Variants in CTNNA3 observed in about 807,000 individuals in gnomAD.
CTNNA3 encodes catenin alpha 3.
CTNNA3 carries 76 observed loss-of-function variants against 95.7 expected under a neutral mutation model. The ratio of observed to expected loss-of-function variants is 0.79; its 90% CI spans 0.66 to 0.96. The LOEUF (loss-of-function observed/expected upper bound fraction) is 0.96. Ranked by LOEUF, CTNNA3 falls within the 40% of genes least tolerant of loss-of-function variation. The pLI is 0.00. For missense variants in CTNNA3, 1,191 were observed against 1,089.8 expected (o/e 1.09, Z -1.31); for synonymous variants, 431 against 374.4 (o/e 1.15, Z -1.74).
At chr10:67,491,112 A>G (rs1848633070) in intron 5 of CTNNA3, among the ~76,000 whole-genome samples, 1 of 152,206 alleles carries the variant, frequency 6.6e-6, no homozygotes, top group African/African-American at 2.4e-5. Context: ...ATCCCCTCAA[A>G]AAAACCAATA....
intron 9 of CTNNA3, among the ~76,000 whole-genome samples, chr10:66,723,349 G>A (rs1848685836): frequency 6.6e-6 from 1 of 151,988 alleles, no homozygotes; most frequent in Non-Finnish European, 1.5e-5. Flanking sequence ...CTACCCAAGG[G>A]CCCATTTTTC....
At chr10:66,681,252 C>T (rs1173334915) in intron 9 of CTNNA3, among the ~76,000 whole-genome samples, 1 of 152,130 alleles carries the variant, frequency 6.6e-6, no homozygotes, top group African/African-American at 2.4e-5. Flanking sequence ...TGGGGAGTGA[C>T]TGCATATTAC....
chr10:67,748,566 C>A (rs752528733), intron 1 of CTNNA3, among the ~76,000 whole-genome samples: 3 of 152,168 alleles, frequency 2.0e-5, no homozygotes, highest in Admixed American at 6.5e-5. Context: ...GGGAATTTGT[C>A]ACTGCCAGGC....
chr10:66,579,370 A>G (rs1000792525), intron 10 of CTNNA3, among the ~76,000 whole-genome samples: 4 of 151,998 alleles, frequency 2.6e-5, no homozygotes, highest in African/African-American at 9.6e-5. Context: ...AGTACATGCC[A>G]TCAGATTATG....
At chr10:66,871,632 G>T (rs1436823321) in intron 7 of CTNNA3, among the ~76,000 whole-genome samples, 1 of 141,790 alleles carries the variant, frequency 7.1e-6, no homozygotes, top group Admixed American at 6.9e-5. Flanking sequence ...TATGGACAAA[G>T]AATTCCCATC....
chr10:66,430,154 T>A (rs1261960752), intron 11 of CTNNA3, among the ~76,000 whole-genome samples: 1 of 144,490 alleles, frequency 6.9e-6, no homozygotes, highest in African/African-American at 2.7e-5. Flanking sequence ...CCATTCACAA[T>A]TGCTTCAAAG....
intron 3 of CTNNA3, among the ~76,000 whole-genome samples, chr10:67,553,633 T>C (rs1416924820): frequency 6.6e-6 from 1 of 152,134 alleles, no homozygotes; most frequent in African/African-American, 2.4e-5. Context: ...TAAACTGCAG[T>C]CATCACTTAC....
intron 9 of CTNNA3, among the ~76,000 whole-genome samples, chr10:66,754,785 A>G (rs556815474): frequency 6.6e-5 from 10 of 152,182 alleles, no homozygotes; most frequent in Non-Finnish European, 1.2e-4. Context: ...GATGATGGCT[A>G]TAATCAAAGG....
chr10:66,506,689 G>C (rs2131979315), intron 11 of CTNNA3, among the ~76,000 whole-genome samples: 1 of 152,096 alleles, frequency 6.6e-6, no homozygotes, highest in South Asian at 2.1e-4. Context: ...TCATTCCCCA[G>C]CATACTGTCT....
chr10:66,172,843 C>T lies in CTNNA3; in HGVS notation c.1885-69594G>A, dbSNP rs541254396. Among the ~76,000 whole-genome samples the T allele has an allele frequency of 5.6e-4, 86 of 152,254 alleles. 1 individual carries two copies. The highest frequency in any genetic ancestry group is 2.0e-3 in the African/African-American group (83 of 41,542). ...TTAGATGACTTGTTCAAAACAAACA[C>T]ATCTACGAGCAAACAACAACAATAA... On this transcript the variant is annotated intron_variant, in intron 13 of 17. Coordinates refer to ENST00000433211, the MANE Select transcript of CTNNA3 (RefSeq NM_013266.4).
chr10:67,439,849 T>C (rs972750184), intron 5 of CTNNA3, among the ~76,000 whole-genome samples: 4 of 152,140 alleles, frequency 2.6e-5, no homozygotes, highest in African/African-American at 9.7e-5. Flanking sequence ...TAATATGCCA[T>C]GGGCCTTGGG....
At chr10:67,140,570 C>G (rs1283398250) in intron 7 of CTNNA3, among the ~76,000 whole-genome samples, 1 of 152,040 alleles carries the variant, frequency 6.6e-6, no homozygotes, top group East Asian at 1.9e-4. Context: ...AAGAGAGATG[C>G]CCTATAAGTT....
intron 1 of CTNNA3, among the ~76,000 whole-genome samples, chr10:67,688,619 G>C (rs1840782230): frequency 6.6e-6 from 1 of 152,010 alleles, no homozygotes; most frequent in African/African-American, 2.4e-5. Flanking sequence ...GCAGAAAAAA[G>C]TTAGCTGCCT....
At chr10:67,721,286 A>G (rs1841178444) in intron 1 of CTNNA3, among the ~76,000 whole-genome samples, 2 of 152,110 alleles carry the variant, frequency 1.3e-5, no homozygotes, top group African/African-American at 4.8e-5. Flanking sequence ...CATCAGTTTC[A>G]GGTACACCAA....
At chr10:67,211,247 T>A (rs968313612) in intron 6 of CTNNA3, among the ~76,000 whole-genome samples, 8 of 151,678 alleles carry the variant, frequency 5.3e-5, no homozygotes, top group Non-Finnish European at 5.9e-5. Flanking sequence ...TGGATTCATT[T>A]TGGTTTTTTC....
chr10:66,700,586 C>T (rs529193774), intron 9 of CTNNA3, among the ~76,000 whole-genome samples: 1 of 152,090 alleles, frequency 6.6e-6, no homozygotes, highest in Non-Finnish European at 1.5e-5. Flanking sequence ...CTTTATTTTT[C>T]TTTCTCAAGA....
chr10:66,277,975 C>G (rs928333769), intron 13 of CTNNA3, among the ~76,000 whole-genome samples: 3 of 151,166 alleles, frequency 2.0e-5, no homozygotes, highest in Admixed American at 6.6e-5. Context: ...GATAAAGGAC[C>G]AATATAATTT....
At chr10:66,782,537 T>TA (rs1045815551) in intron 7 of CTNNA3, among the ~76,000 whole-genome samples, 75 of 152,330 alleles carry the variant, frequency 4.9e-4, no homozygotes, top group African/African-American at 1.7e-3. Context: ...GTTCTTTCAT[T>TA]AATCTCTTCA....
At chr10:66,390,300 G>T (rs116829329) in intron 11 of CTNNA3, among the ~76,000 whole-genome samples, 3 of 152,020 alleles carry the variant, frequency 2.0e-5, no homozygotes, top group Admixed American at 2.0e-4. Context: ...AAGCCTTAAG[G>T]GGAAGAGAGT....
Sources: allele counts gnomAD v4.1 joint callset (sites outside exome capture counted in the v4.1 genomes callset), GRCh38; gene constraint gnomAD v4.1.1; transcripts MANE v1.5; gene names NCBI Gene and HGNC (gene_info 2026-07-23, HGNC 2026-07-21).